Variants in RFC3 observed in about 807,000 individuals in gnomAD.
RFC3 encodes A1 38 kDa subunit.
RFC3 carries 41 observed loss-of-function variants against 45.1 expected under a neutral mutation model. The ratio of observed to expected loss-of-function variants is 0.91; its 90% CI spans 0.71 to 1.18. The LOEUF is 1.18. RFC3 is among the 50% of genes most tolerant of loss of function. The pLI, the probability that RFC3 is intolerant of heterozygous loss-of-function variation, is 0.00. For missense variants in RFC3, 423 were observed against 428.1 expected, an observed-to-expected ratio of 0.99 and a Z score of 0.10; for synonymous variants, 149 against 144.0, an observed-to-expected ratio of 1.03 and a Z score of -0.25.
chr13:33,957,856 C>A (rs945420995), intron 8 of RFC3, among the ~76,000 whole-genome samples: 1 of 152,158 alleles, frequency 6.6e-6, no homozygotes, highest in South Asian at 2.1e-4. Flanking sequence ...CAGGTGGCAG[C>A]TGGTCTGCCT....
intron 8 of RFC3, among the ~76,000 whole-genome samples, chr13:33,923,639 G>C (rs546975052): frequency 6.6e-6 from 1 of 152,222 alleles, no homozygotes; most frequent in South Asian, 2.1e-4. Flanking sequence ...ATTATAGATG[G>C]GGTTGTAAAT....
At chr13:33,868,775 T>G (rs959641046) in intron 8 of RFC3, among the ~76,000 whole-genome samples, 7 of 152,218 alleles carry the variant, frequency 4.6e-5, no homozygotes, top group Admixed American at 4.6e-4. Flanking sequence ...TGCTTCATTG[T>G]TTTGTTGCTT....
chr13:33,854,883 C>G (rs2082298903), intron 8 of RFC3, among the ~76,000 whole-genome samples: 1 of 152,126 alleles, frequency 6.6e-6, no homozygotes, highest in African/African-American at 2.4e-5. Context: ...AAGGAAGAAC[C>G]AAGGCCATAG....
chr13:33,927,154 A>C (rs1315692490), intron 8 of RFC3, among the ~76,000 whole-genome samples: 1 of 151,942 alleles, frequency 6.6e-6, no homozygotes, highest in African/African-American at 2.4e-5. Flanking sequence ...GAGTGGCGTA[A>C]GTCTCAGGAA....
At chr13:33,882,828 T>C (rs1194814824) in intron 8 of RFC3, among the ~76,000 whole-genome samples, 1 of 152,250 alleles carries the variant, frequency 6.6e-6, no homozygotes, top group Non-Finnish European at 1.5e-5. Flanking sequence ...TCATTCTAAT[T>C]GTGTCATTTT....
chr13:33,877,585 A>G (rs1231002634), intron 8 of RFC3, among the ~76,000 whole-genome samples: 2 of 151,968 alleles, frequency 1.3e-5, no homozygotes, highest in South Asian at 2.1e-4. Flanking sequence ...ACTTTGTCTG[A>G]TGTTTTTTTA....
At chr13:33,943,800 A>G (rs2137810244) in intron 8 of RFC3, among the ~76,000 whole-genome samples, 1 of 151,630 alleles carries the variant, frequency 6.6e-6, no homozygotes, top group East Asian at 1.9e-4. Context: ...AAGTCAACTG[A>G]TTAGAACTTT....
chr13:33,922,996 C>T (rs981160393), intron 8 of RFC3, among the ~76,000 whole-genome samples: 10 of 151,868 alleles, frequency 6.6e-5, no homozygotes, highest in Admixed American at 4.6e-4. Flanking sequence ...GTGTAGACTC[C>T]CAGGGAATTG....
intron 8 of RFC3, among the ~76,000 whole-genome samples, chr13:33,894,931 G>A (rs974856031): frequency 3.9e-5 from 6 of 152,108 alleles, no homozygotes; most frequent in African/African-American, 1.4e-4. Flanking sequence ...AATGAATGGT[G>A]AGAACACTGG....
chr13:33,929,546 T>C (rs1481054123), intron 8 of RFC3, among the ~76,000 whole-genome samples: 1 of 152,164 alleles, frequency 6.6e-6, no homozygotes, highest in Admixed American at 6.6e-5. Flanking sequence ...GTGATATTCA[T>C]GTAATGTCCT....
chr13:33,819,603 T>C (rs550174400), intron 1 of RFC3, among the ~76,000 whole-genome samples: 7 of 152,354 alleles, frequency 4.6e-5, no homozygotes, highest in Middle Eastern at 3.4e-3. Context: ...TGTATACTAA[T>C]TTAAAATAAA....
chr13:33,831,513 G>C (rs1470614039), intron 7 of RFC3, among the ~76,000 whole-genome samples, 159 bp downstream of exon 7: 1 of 102,480 alleles, frequency 9.8e-6, no homozygotes, highest in Non-Finnish European at 1.7e-5. Context: ...CAGAAATTTA[G>C]TGGTTCAGAA....
At chr13:33,874,323 G>T (rs1024591464) in intron 8 of RFC3, among the ~76,000 whole-genome samples, 34 of 151,990 alleles carry the variant, frequency 2.2e-4, no homozygotes, top group African/African-American at 7.7e-4. Flanking sequence ...TTGTTTTTTT[G>T]TTGTTGTTTT....
At chr13:33,960,628 T>A (rs538062298) in intron 8 of RFC3, among the ~76,000 whole-genome samples, 3 of 152,202 alleles carry the variant, frequency 2.0e-5, no homozygotes, top group African/African-American at 7.2e-5. Flanking sequence ...TTCTTGTAGG[T>A]TAACTGTCAG....
intron 7 of RFC3, among the ~76,000 whole-genome samples, chr13:33,834,298 G>GTGTATATATATATATATATATATATA (rs1302839326): frequency 1.8e-5 from 2 of 109,200 alleles, no homozygotes; most frequent in African/African-American, 8.3e-5. Context: ...TGTACTGTGT[G>GTGTATATATATATATATATATATATA]TATATATATA....
At chr13:33,872,250 G>A (rs1001838081) in intron 8 of RFC3, among the ~76,000 whole-genome samples, 4 of 152,184 alleles carry the variant, frequency 2.6e-5, no homozygotes, top group Non-Finnish European at 4.4e-5. Context: ...AGGGGAGAAG[G>A]CCTTATTAGT....
intron 8 of RFC3, among the ~76,000 whole-genome samples, chr13:33,872,509 G>A (rs1037165954): frequency 9.9e-5 from 15 of 152,172 alleles, no homozygotes; most frequent in Non-Finnish European, 1.3e-4. Flanking sequence ...CAAGGCGGGC[G>A]GATCACCTGA....
In RFC3 at chr13:33,965,967, T is replaced by C. The variant is rs374299816; in HGVS notation, c.880-120T>C. ...CTTATTTTCTTAATTCATTCGTAGC[T>C]TGCTCCTGAGCCTTAAATTACTTTG... On this transcript the variant is annotated intron_variant, in intron 8 of 8. Transcript: ENST00000434425. The C allele has an allele frequency of 1.1e-4, 77 of 696,596 alleles. No homozygotes were observed. In the African/African-American group the frequency reaches 1.2e-3, roughly 11 times the overall value. The allele number at this position is 696,596 out of a possible 1,614,324, so 43.2% of individuals were successfully genotyped here. A position where few individuals can be genotyped will look rare whatever the true frequency, so the allele number is the denominator to read the frequency against.
chr13:33,853,604 A>AT (rs780403336), intron 8 of RFC3, among the ~76,000 whole-genome samples: 4 of 152,324 alleles, frequency 2.6e-5, no homozygotes, highest in East Asian at 1.9e-4. Context: ...GAGATTATTT[A>AT]TTCACTAAGA....
Sources: allele counts gnomAD v4.1 joint callset (sites outside exome capture counted in the v4.1 genomes callset), GRCh38; gene constraint gnomAD v4.1.1; transcripts MANE v1.5; gene names NCBI Gene and HGNC (gene_info 2026-07-23, HGNC 2026-07-21).